The following PDSS2 variants were observed in gnomAD, a reference collection of about 807,000 sequenced individuals.
PDSS2 encodes the protein decaprenyl diphosphate synthase subunit 2.
In PDSS2, 31 loss-of-function variants were observed where a neutral mutation model predicts 44.5. That is an observed-to-expected ratio of 0.70 (90% CI 0.52 to 0.94). The LOEUF (loss-of-function observed/expected upper bound fraction) is 0.94, where lower values mean the gene tolerates loss of function less well. Among genes scored for constraint, PDSS2 ranks in the 40% least tolerant of loss-of-function variants. PDSS2 has a pLI of 0.00. For synonymous variants in PDSS2, 157 were observed against 180.3 expected (o/e 0.87, Z 1.03); for missense variants, 452 against 482.2 (o/e 0.94, Z 0.59).
chr6:107,224,824 A>G (rs1217817729), intron 4 of PDSS2, among the ~76,000 whole-genome samples: 3 of 151,036 alleles, frequency 2.0e-5, no homozygotes, highest in East Asian at 3.9e-4. Flanking sequence ...AAAACAAACT[A>G]GCATCTTAAA....
intron 1 of PDSS2, among the ~76,000 whole-genome samples, chr6:107,393,262 T>C (rs143062202): frequency 5.9e-5 from 9 of 152,294 alleles, no homozygotes; most frequent in African/African-American, 2.2e-4. Context: ...ATTTTACCCA[T>C]GAGTTATTTA....
intron 2 of PDSS2, among the ~76,000 whole-genome samples, chr6:107,328,524 CCTCAGCCTCCCAAAGTGCT>C (rs1347612766): frequency 6.6e-6 from 1 of 152,150 alleles, no homozygotes; most frequent in African/African-American, 2.4e-5. Context: ...GATCCACCCA[CCTCAGCCTCCCAAAGTGCT>C]GGGTTTACAG....
chr6:107,198,797 C>T (rs1235711802), intron 6 of PDSS2, among the ~76,000 whole-genome samples: 1 of 97,554 alleles, frequency 1.0e-5, no homozygotes, highest in Non-Finnish European at 2.0e-5. Context: ...TCTCTACAAA[C>T]AATAACAACA....
In PDSS2 at chr6:107,183,643, T is replaced by C. The variant is rs1478458778; in HGVS notation, c.1041+10179A>G. On this transcript the variant is annotated intron_variant, in intron 7 of 7. Transcript: ENST00000369037. ...AGCTGGGTGCAGTGGCTCACGCCTG[T>C]AATCTCAGCACTTTGGGAGGCCAAG... is the stretch of plus-strand genomic sequence containing the variant. Among the ~76,000 whole-genome samples, 4 of 152,130 alleles carry C rather than the reference T, an allele frequency of 2.6e-5. No homozygotes were observed. The East Asian group carries it at 7.7e-4, about 29-fold the overall frequency.
intron 4 of PDSS2, among the ~76,000 whole-genome samples, chr6:107,230,675 A>C (rs1219964493): frequency 6.6e-6 from 1 of 151,758 alleles, no homozygotes; most frequent in Non-Finnish European, 1.5e-5. Flanking sequence ...TAGCCAGGGC[A>C]TGTTTTTCTC....
Position 107,458,899 on chromosome 6 carries a change from G to A in PDSS2, c.296+91C>T, listed in dbSNP as rs149502942. ...AGGACTAAAAAGAGATAAATCAGGA[G>A]CCAGTCTGAGAGAGCTAGAATGCGT... On this transcript the variant is annotated intron_variant, in intron 1 of 7. Coordinates refer to ENST00000369037, the MANE Select transcript of PDSS2 (RefSeq NM_020381.4). 10 of 1,106,566 alleles carry A rather than the reference G, an allele frequency of 9.0e-6. No homozygotes were observed. In the African/African-American group the frequency reaches 9.2e-5, roughly 10 times the overall value. The allele number at this position is 1,106,566 out of a possible 1,614,324, so 68.5% of individuals were successfully genotyped here.
chr6:107,446,915 A>G (rs565917630), intron 1 of PDSS2, among the ~76,000 whole-genome samples: 49 of 152,146 alleles, frequency 3.2e-4, no homozygotes, highest in African/African-American at 1.2e-3. Flanking sequence ...CTCACATTTC[A>G]AAATGCAGTC....
Position 107,274,145 on chromosome 6 carries a change from G to A in PDSS2, c.514C>T (p.Gln172Ter), listed in dbSNP as rs1183270278. 6.2e-7 allele frequency: 1 copy of A among 1,613,428 alleles called. No individual in the cohort carries two copies. The highest frequency in any genetic ancestry group is 2.2e-5 in the East Asian group (1 of 44,880). The change falls in exon 3 of 8, where the codon CAA becomes TAA. Residue 172 changes from glutamine to a stop codon, truncating the protein, a stop_gained. Transcript: ENST00000369037. LOFTEE classifies it high-confidence loss of function. ...HRGIVNLNELQSSDGPLKDMQ... is the reference protein window; with the variant it reads ...HRGIVNLNEL ...TCTTTCAGTGGACCATCAGATGATT[G>A]CAACTCATTTAAATTTACTATCCCA...
intron 1 of PDSS2, among the ~76,000 whole-genome samples, chr6:107,444,723 G>A (rs561050820): frequency 6.6e-6 from 1 of 152,176 alleles, no homozygotes; most frequent in South Asian, 2.1e-4. Context: ...AATTCAAAGA[G>A]CTCTGAAGAA....
intron 1 of PDSS2, among the ~76,000 whole-genome samples, chr6:107,417,778 TACACACAC>T (rs59602150): frequency 0.42 from 60,956 of 146,856 alleles, 13,271 homozygotes; most frequent in Middle Eastern, 0.63. Context: ...TTAATAATAA[TACACACAC>T]ACACACACAC....
Position 107,153,142 on chromosome 6 carries a change from T to C in PDSS2, c.*1477A>G, listed in dbSNP as rs1554244815. ...GAGGGCTTTAACTAAAATAACTTCA[T>C]GTAGTGTTTGAGCGAACTAGGTAAT... On this transcript the variant is annotated 3_prime_UTR_variant, in exon 8 of 8. Transcript: ENST00000369037. 2 of 152,636 alleles carry C rather than the reference T, an allele frequency of 1.3e-5. No individual in the cohort carries two copies. Among genetic ancestry groups the C allele is most frequent in the Non-Finnish European group, 2.9e-5 (2 of 68,034 alleles). The allele number at this position is 152,636 out of a possible 1,614,324, so 9.5% of individuals were successfully genotyped here. A position where few individuals can be genotyped will look rare whatever the true frequency, so the allele number is the denominator to read the frequency against.
At chr6:107,394,912 T>TA (rs888964871) in intron 1 of PDSS2, among the ~76,000 whole-genome samples, 7 of 152,338 alleles carry the variant, frequency 4.6e-5, no homozygotes, top group African/African-American at 1.7e-4. Flanking sequence ...TTCTTCTGTG[T>TA]AGCTCAGTTT....
At chr6:107,262,953 A>G (rs1052573457) in intron 3 of PDSS2, among the ~76,000 whole-genome samples, 1 of 152,062 alleles carries the variant, frequency 6.6e-6, no homozygotes, top group Non-Finnish European at 1.5e-5. Context: ...AGAAATAAAA[A>G]TAATTAAAAA....
intron 1 of PDSS2, among the ~76,000 whole-genome samples, chr6:107,363,626 C>G (rs866678879): frequency 1.5e-4 from 23 of 152,248 alleles, no homozygotes; most frequent in African/African-American, 3.4e-4. Flanking sequence ...TTGCAAAGAG[C>G]GAAAGAACAA....
At chr6:107,424,217 A>T (rs1033129884) in intron 1 of PDSS2, among the ~76,000 whole-genome samples, 102 of 151,276 alleles carry the variant, frequency 6.7e-4, no homozygotes, top group Admixed American at 6.7e-3. Context: ...AATTTCTTTA[A>T]TTTTTTATTT....
chr6:107,202,316 G>GT (rs1412666953), intron 6 of PDSS2, among the ~76,000 whole-genome samples: 3 of 152,130 alleles, frequency 2.0e-5, no homozygotes, highest in Non-Finnish European at 4.4e-5. Flanking sequence ...TGGGATTACA[G>GT]GCATGAGCCA....
At chr6:107,241,694 C>A (rs1268847614) in intron 4 of PDSS2, among the ~76,000 whole-genome samples, 1 of 152,148 alleles carries the variant, frequency 6.6e-6, no homozygotes, top group East Asian at 1.9e-4. Context: ...TATCCAGTTC[C>A]AATTCCCTTG....
At chr6:107,422,181 A>T (rs1038725595) in intron 1 of PDSS2, among the ~76,000 whole-genome samples, 2 of 151,976 alleles carry the variant, frequency 1.3e-5, no homozygotes, top group Non-Finnish European at 2.9e-5. Context: ...AATAAAAATA[A>T]GGAAAGAATA....
At chr6:107,237,653 C>A (rs1049127708) in intron 4 of PDSS2, among the ~76,000 whole-genome samples, 4 of 149,636 alleles carry the variant, frequency 2.7e-5, no homozygotes, top group Non-Finnish European at 5.9e-5. Flanking sequence ...GTAATCCCAG[C>A]ACTTTGGGAG....
Sources: allele counts gnomAD v4.1 joint callset (sites outside exome capture counted in the v4.1 genomes callset), GRCh38; gene constraint gnomAD v4.1.1; transcripts MANE v1.5; gene names NCBI Gene and HGNC (gene_info 2026-07-23, HGNC 2026-07-21).